QRICH1: variants seen among roughly 807,000 people sequenced by gnomAD.
QRICH1 encodes transcriptional regulator QRICH1.
Under a neutral mutation model 87.1 loss-of-function variants are expected in QRICH1, and 16 were observed. That is an observed-to-expected ratio of 0.18 (90% CI 0.12 to 0.28). QRICH1 has a LOEUF of 0.28. Among genes scored for constraint, QRICH1 ranks in the 10% least tolerant of loss-of-function variants. The pLI, the probability that QRICH1 is intolerant of heterozygous loss-of-function variation, is 1.00. For synonymous variants in QRICH1, 367 were observed against 368.4 expected, an observed-to-expected ratio of 1.00 and a Z score of 0.05; for missense variants, 647 against 951.7, an observed-to-expected ratio of 0.68 and a Z score of 4.21.
chr3:49,046,346 T>C, intron 5 of QRICH1, 79 bp downstream of exon 5: 1 of 1,408,418 alleles, frequency 7.1e-7, no homozygotes, highest in Non-Finnish European at 9.6e-7. Flanking sequence ...ACTTCTTGCT[T>C]ATCAATTTAT....
chr3:49,086,651 T>C (rs752854165), intron 1 of QRICH1, among the ~76,000 whole-genome samples: 4 of 152,194 alleles, frequency 2.6e-5, no homozygotes, highest in African/African-American at 4.8e-5. Context: ...GAACATAAGA[T>C]GGTACCATGG....
At chr3:49,078,326 T>C (rs935050024) in intron 1 of QRICH1, among the ~76,000 whole-genome samples, 4 of 152,106 alleles carry the variant, frequency 2.6e-5, no homozygotes, top group African/African-American at 7.2e-5. Flanking sequence ...CCCATGGTAG[T>C]TGCTTCATAT....
chr3:49,065,931 C>T (rs533311749), intron 2 of QRICH1, among the ~76,000 whole-genome samples: 2 of 152,268 alleles, frequency 1.3e-5, no homozygotes, highest in South Asian at 4.1e-4. Context: ...GATCTGCCTG[C>T]CTTGGCCTCC....
chr3:49,036,689 G>GA (rs2093276879), intron 6 of QRICH1, among the ~76,000 whole-genome samples: 2 of 82,442 alleles, frequency 2.4e-5, no homozygotes, highest in South Asian at 7.5e-4. Context: ...AAGAAAAAAA[G>GA]AAAAAACAAA....
chr3:49,062,173 A>G (rs1388712261), intron 2 of QRICH1, among the ~76,000 whole-genome samples: 1 of 151,858 alleles, frequency 6.6e-6, no homozygotes, highest in African/African-American at 2.4e-5. Flanking sequence ...TGTCTCTACT[A>G]AAAATACAAA....
At chr3:49,092,114 A>C (rs1044047373) in intron 1 of QRICH1, among the ~76,000 whole-genome samples, 1 of 152,104 alleles carries the variant, frequency 6.6e-6, no homozygotes, top group African/African-American at 2.4e-5. Context: ...ATCCTAGAAA[A>C]ACTTTACAGC....
chr3:49,048,489 A>AC lies in QRICH1; in HGVS notation c.1339-1244_1339-1243insG, dbSNP rs916472784. Among the ~76,000 whole-genome samples the AC allele has an allele frequency of 5.3e-5, 8 of 149,592 alleles. No homozygotes were observed. In the East Asian group the frequency reaches 6.0e-4, roughly 11 times the overall value. On this transcript the variant is annotated intron_variant, in intron 3 of 9. Coordinates refer to ENST00000395443, the MANE Select transcript of QRICH1 (RefSeq NM_198880.3). ...ATCTGGATTGCTTTAAAAAAAAAAA[A>AC]AAAAAAAAACCCACCCTGGCCGGGT...
chr3:49,072,782 C>T (rs1216202808), intron 2 of QRICH1, among the ~76,000 whole-genome samples: 1 of 152,056 alleles, frequency 6.6e-6, no homozygotes, highest in African/African-American at 2.4e-5. Context: ...TGGCTCATGC[C>T]TATAATCCCA....
chr3:49,069,888 T>C (rs1431674596), intron 2 of QRICH1, among the ~76,000 whole-genome samples: 1 of 152,130 alleles, frequency 6.6e-6, no homozygotes, highest in Non-Finnish European at 1.5e-5. Context: ...TATGTGTGTG[T>C]TTTGAAGTCT....
At chr3:49,066,176 G>A (rs369203380) in intron 2 of QRICH1, among the ~76,000 whole-genome samples, 3 of 152,024 alleles carry the variant, frequency 2.0e-5, no homozygotes, top group East Asian at 1.9e-4. Context: ...TGGTCCCAGC[G>A]ACTCAGGAGG....
At chr3:49,062,852 T>C (rs1318317921) in intron 2 of QRICH1, among the ~76,000 whole-genome samples, 2 of 151,748 alleles carry the variant, frequency 1.3e-5, no homozygotes, top group East Asian at 3.9e-4. Flanking sequence ...TTAAAATAAT[T>C]AGCCAGGCGT....
intron 3 of QRICH1, among the ~76,000 whole-genome samples, chr3:49,047,552 C>T (rs2093345949): frequency 6.8e-6 from 1 of 147,748 alleles, no homozygotes; most frequent in Admixed American, 6.9e-5. Flanking sequence ...GGCGCAATCT[C>T]AGCTCACTGC....
chr3:49,062,582 A>C (rs980074162), intron 2 of QRICH1, among the ~76,000 whole-genome samples: 1 of 151,576 alleles, frequency 6.6e-6, no homozygotes, highest in East Asian at 2.0e-4. Flanking sequence ...GCTGGTCTCA[A>C]ACTCTTAACC....
chr3:49,043,811 CTA>C (rs968664507), intron 6 of QRICH1, among the ~76,000 whole-genome samples: 3 of 152,148 alleles, frequency 2.0e-5, no homozygotes, highest in Non-Finnish European at 4.4e-5. Context: ...CCACCCTGGG[CTA>C]TAGAGTGAGA....
At chr3:49,072,687 C>T (rs2041865479) in intron 2 of QRICH1, among the ~76,000 whole-genome samples, 1 of 152,132 alleles carries the variant, frequency 6.6e-6, no homozygotes, top group African/African-American at 2.4e-5. Context: ...AAACCCAGTA[C>T]TGAAGCTTCA....
At chr3:49,088,370 A>G (rs1374152911) in intron 1 of QRICH1, among the ~76,000 whole-genome samples, 1 of 151,748 alleles carries the variant, frequency 6.6e-6, no homozygotes, top group African/African-American at 2.4e-5. Flanking sequence ...TCTCGGCTCA[A>G]TGCAACCTCC....
chr3:49,078,955 G>A (rs2042005381), intron 1 of QRICH1, among the ~76,000 whole-genome samples: 1 of 152,032 alleles, frequency 6.6e-6, no homozygotes, highest in South Asian at 2.1e-4. Context: ...GCCTCCCAAA[G>A]TGCTGGGATT....
chr3:49,058,435 T>C (rs926902582), intron 2 of QRICH1, among the ~76,000 whole-genome samples: 3 of 152,140 alleles, frequency 2.0e-5, no homozygotes, highest in Non-Finnish European at 2.9e-5. Flanking sequence ...CAAGCAATTC[T>C]TGAAGCCAGC....
At chr3:49,062,112 TG>T (rs2093438372) in intron 2 of QRICH1, among the ~76,000 whole-genome samples, 2 of 151,912 alleles carry the variant, frequency 1.3e-5, no homozygotes, top group South Asian at 4.2e-4. Context: ...CTGAGGCCAG[TG>T]GACACAAGGT....
Sources: gnomAD v4.1 joint callset for allele counts (sites outside exome capture counted in the v4.1 genomes callset) on GRCh38, gnomAD v4.1.1 for gene constraint, MANE v1.5 for transcripts, NCBI Gene and HGNC (gene_info 2026-07-23, HGNC 2026-07-21) for gene names.